ATP13A4: variants seen among roughly 807,000 people sequenced by gnomAD.
The protein encoded by ATP13A4 is probable cation-transporting ATPase 13A4.
ATP13A4 carries 114 observed loss-of-function variants against 142.5 expected under a neutral mutation model. That is an observed-to-expected ratio of 0.80 (90% CI 0.69 to 0.93). ATP13A4 has a LOEUF of 0.93. Among genes scored for constraint, ATP13A4 ranks in the 40% least tolerant of loss-of-function variants. The pLI, the probability that ATP13A4 is intolerant of heterozygous loss-of-function variation, is 0.00. For missense variants in ATP13A4, 1,392 were observed against 1,454.0 expected (o/e 0.96, Z 0.69); for synonymous variants, 488 against 514.8 (o/e 0.95, Z 0.70).
intron 1 of ATP13A4, among the ~76,000 whole-genome samples, chr3:193,582,387 T>C (rs1724567184): frequency 6.7e-6 from 1 of 149,420 alleles, no homozygotes; most frequent in Non-Finnish European, 1.5e-5. Flanking sequence ...GACCTTGTGA[T>C]CCGTCCGCCT....
intron 25 of ATP13A4, among the ~76,000 whole-genome samples, chr3:193,433,520 A>G (rs1184609246): frequency 6.6e-6 from 1 of 152,178 alleles, no homozygotes; most frequent in East Asian, 1.9e-4. Flanking sequence ...CATTTTAACT[A>G]TAACTGTATC....
intron 8 of ATP13A4, among the ~76,000 whole-genome samples, chr3:193,481,138 G>A (rs978546774): frequency 6.6e-6 from 1 of 152,124 alleles, no homozygotes; most frequent in African/African-American, 2.4e-5. Context: ...GGGTGGAAGG[G>A]GAGTGAAAGA....
chr3:193,472,713 G>GT (rs1560212846), intron 8 of ATP13A4, among the ~76,000 whole-genome samples: 1 of 152,178 alleles, frequency 6.6e-6, no homozygotes, highest in African/African-American at 2.4e-5. Flanking sequence ...GAACAGAAAC[G>GT]TGTTCCAAAT....
chr3:193,541,248 C>CAAAAAAAAAAAAAAAAAAAA lies in ATP13A4; in HGVS notation c.60+13472_60+13491dup, dbSNP rs71179308. Among the ~76,000 whole-genome samples the CAAAAAAAAAAAAAAAAAAAA allele has an allele frequency of 2.9e-4, 15 of 51,282 alleles. 1 individual carries two copies. The highest frequency in any genetic ancestry group is 4.8e-4 in the Non-Finnish European group (12 of 24,882). The allele number at this position is 51,282 out of a possible 152,430, so 33.6% of individuals were successfully genotyped here. A position where few individuals can be genotyped will look rare whatever the true frequency, so the allele number is the denominator to read the frequency against. ...TGGGCGACAGAGCGAGACTCCTTCTCAAAAAAAAAAAAAAAAAAAAAATCA... is the reference window on the plus strand; with the variant it reads ...TGGGCGACAGAGCGAGACTCCTTCTCAAAAAAAAAAAAAAAAAAAAAAAAAAAAAAAAAAAAAAAAAATCA... On this transcript the variant is annotated intron_variant, in intron 1 of 29. Coordinates refer to ENST00000342695, the MANE Select transcript of ATP13A4 (RefSeq NM_032279.4).
intron 2 of ATP13A4, among the ~76,000 whole-genome samples, chr3:193,568,776 T>G (rs553237492): frequency 6.6e-6 from 1 of 151,976 alleles, no homozygotes; most frequent in Admixed American, 6.6e-5. Flanking sequence ...TGAGGATGGG[T>G]CAAATGGGTA....
intron 3 of ATP13A4, among the ~76,000 whole-genome samples, chr3:193,498,254 TA>T (rs1198339908): frequency 7.5e-5 from 11 of 147,356 alleles, no homozygotes; most frequent in African/African-American, 2.8e-4. Flanking sequence ...ATTAAACCAG[TA>T]AAAAAAAGAA....
chr3:193,512,427 T>G (rs1488769849), intron 2 of ATP13A4, among the ~76,000 whole-genome samples: 23 of 152,190 alleles, frequency 1.5e-4, no homozygotes. Context: ...TCTTTCAGAT[T>G]ATAAATATAT....
intron 8 of ATP13A4, among the ~76,000 whole-genome samples, chr3:193,478,653 G>GC: frequency 1.3e-5 from 2 of 150,842 alleles, no homozygotes; most frequent in African/African-American, 5.0e-5. Flanking sequence ...AAAAGTCCAG[G>GC]ACCAGATGGA....
chr3:193,572,516 T>C (rs1172274710), intron 2 of ATP13A4, among the ~76,000 whole-genome samples: 2 of 152,182 alleles, frequency 1.3e-5, no homozygotes, highest in Non-Finnish European at 2.9e-5. Context: ...TGAACCAGTT[T>C]AGGTTTAAAA....
Position 193,493,119 on chromosome 3 carries a change from G to A in ATP13A4, c.423C>T (p.Asn141=). 8 of 1,613,246 alleles carry A rather than the reference G, an allele frequency of 5.0e-6. No individual in the cohort carries two copies. Among genetic ancestry groups the A allele is most frequent in the Non-Finnish European group, 6.8e-6 (8 of 1,179,638 alleles). The part of the protein sequence containing the change: ...IKVQKIRYVW[N]YLEGQFQKIG... ...TTTTCTGGAACTGTCCTTCTAAGTA[G>A]TTCCAAACATATCTTATTTTCTGCA... Residue 141 remains asparagine, a synonymous_variant, in exon 4 of 30, where the codon AAC becomes AAT. Coordinates refer to ENST00000342695, the MANE Select transcript of ATP13A4 (RefSeq NM_032279.4).
chr3:193,474,595 A>G (rs563339524), intron 8 of ATP13A4, among the ~76,000 whole-genome samples: 1 of 146,976 alleles, frequency 6.8e-6, no homozygotes, highest in South Asian at 2.1e-4. Flanking sequence ...GAAGGAAAGA[A>G]AGGAAGAAAG....
At chr3:193,407,531 T>C (rs1576930102) in intron 28 of ATP13A4, 138 bp from the exon 29 acceptor site, 1 of 560,052 alleles carries the variant, frequency 1.8e-6, no homozygotes. Context: ...ATATATCTTA[T>C]ATATATAAAA....
At position 193,399,089 on chromosome 3, in the gene ATP13A4, G is replaced by C. The variant is rs1454766412; in HGVS notation, c.*3563C>G. On this transcript the variant is annotated 3_prime_UTR_variant, in exon 30 of 30. Coordinates refer to ENST00000342695, the MANE Select transcript of ATP13A4 (RefSeq NM_032279.4). Reference sequence around the variant, plus strand: ...TGTGAACATTTCCATAAGCACATAAGGATACAGATGTCACAGACATATTTA... The same window carrying C: ...TGTGAACATTTCCATAAGCACATAACGATACAGATGTCACAGACATATTTA... Among the ~76,000 whole-genome samples, 1 of 152,116 alleles carries C rather than the reference G, an allele frequency of 6.6e-6. No homozygotes were observed. The highest frequency in any genetic ancestry group is 1.5e-5 in the Non-Finnish European group (1 of 68,028).
intron 2 of ATP13A4, among the ~76,000 whole-genome samples, chr3:193,508,050 C>T (rs1294068189): frequency 2.0e-5 from 3 of 152,062 alleles, no homozygotes; most frequent in Admixed American, 1.3e-4. Flanking sequence ...GGACTAATGT[C>T]CATATGAGAT....
chr3:193,422,270 A>G (rs966794969), intron 25 of ATP13A4, among the ~76,000 whole-genome samples: 2 of 149,924 alleles, frequency 1.3e-5, no homozygotes, highest in African/African-American at 4.9e-5. Flanking sequence ...ATAGCAAGAC[A>G]ATAATAGTAG....
At chr3:193,544,019 G>C (rs1476868605) in intron 1 of ATP13A4, among the ~76,000 whole-genome samples, 2 of 152,164 alleles carry the variant, frequency 1.3e-5, no homozygotes, top group East Asian at 1.9e-4. Context: ...CAGACAGACT[G>C]GGGGCAGAGG....
chr3:193,402,835 C>A lies in ATP13A4; in HGVS notation c.3408G>T (p.Trp1136Cys). 1 of 1,614,094 alleles carries A rather than the reference C, an allele frequency of 6.2e-7. No individual in the cohort carries two copies. The highest frequency in any genetic ancestry group is 8.5e-7 in the Non-Finnish European group (1 of 1,179,980). ...AGCCGAAACATCTTTTAATCATCAT[C>A]CACAGGGCTCGATTTTCAATAACAG... ...EEAVIENRAL[W>C]MMIKRCFGYQ... is the part of the protein sequence containing the mutation. Residue 1136 changes from tryptophan to cysteine, a missense_variant, in exon 30 of 30, where the codon TGG (tryptophan) becomes TGT (cysteine). Transcript: ENST00000342695.
intron 8 of ATP13A4, among the ~76,000 whole-genome samples, chr3:193,474,837 G>A (rs765349132): frequency 1.3e-5 from 2 of 151,824 alleles, no homozygotes; most frequent in East Asian, 1.9e-4. Flanking sequence ...GCTACATGTC[G>A]GCAACTTATT....
At chr3:193,434,018 G>A (rs1176649902) in intron 24 of ATP13A4, 101 bp from the exon 25 acceptor site, 1 of 968,160 alleles carries the variant, frequency 1.0e-6, no homozygotes, top group East Asian at 2.5e-5. Flanking sequence ...GGTTTTTCAA[G>A]TAAATTACTG....
Sources: gnomAD v4.1 joint callset for allele counts (sites outside exome capture counted in the v4.1 genomes callset) on GRCh38, gnomAD v4.1.1 for gene constraint, MANE v1.5 for transcripts, NCBI Gene and HGNC (gene_info 2026-07-23, HGNC 2026-07-21) for gene names.